Variants in IRAG1 observed in about 807,000 individuals in gnomAD.
The protein encoded by IRAG1 is IP3R-associated cGMP kinase substrate.
Under a neutral mutation model 106.2 loss-of-function variants are expected in IRAG1, and 62 were observed. The observed-to-expected ratio is 0.58, with a 90% CI of 0.48 to 0.72. The LOEUF is 0.72. Among genes scored for constraint, IRAG1 ranks in the 30% least tolerant of loss-of-function variants. The pLI is 0.00. For missense variants in IRAG1, 1,064 were observed against 1,140.7 expected (o/e 0.93, Z 0.97); for synonymous variants, 462 against 443.9 (o/e 1.04, Z -0.51).
In IRAG1 at chr11:10,575,490, C is replaced by T. The variant is rs1253761519; in HGVS notation, c.*842G>A. On this transcript the variant is annotated 3_prime_UTR_variant, in exon 21 of 21. Coordinates refer to ENST00000423302, the MANE Select transcript of IRAG1 (RefSeq NM_130385.4). The stretch of plus-strand genomic sequence containing the variant: ...TGAGTTTTCTGTGTTTTTAAAACAT[C>T]TTCAATCCATGTGGACAGCTCATTG... The T allele has an allele frequency of 1.3e-5, 2 of 152,216 alleles. No individual in the cohort carries two copies. Among genetic ancestry groups the T allele is most frequent in the East Asian group, 1.9e-4 (1 of 5,202 alleles). 9.4% of individuals were successfully genotyped at this position (152,216 alleles called of 1,614,324 possible). A position where few individuals can be genotyped will look rare whatever the true frequency, so the allele number is the denominator to read the frequency against.
At chr11:10,670,679 C>T (rs1056563540) in intron 1 of IRAG1, among the ~76,000 whole-genome samples, 3 of 152,216 alleles carry the variant, frequency 2.0e-5, no homozygotes, top group Non-Finnish European at 4.4e-5. Flanking sequence ...GGAGACAGGG[C>T]CTTTAAAGAG....
intron 1 of IRAG1, among the ~76,000 whole-genome samples, chr11:10,653,487 C>A (rs1858688377): frequency 6.6e-6 from 1 of 152,162 alleles, no homozygotes. Flanking sequence ...ATGGGTCTAG[C>A]TCCTCTGCTT....
chr11:10,675,331 GC>G lies in IRAG1; in HGVS notation c.67+18204del, dbSNP rs1251904104. Among the ~76,000 whole-genome samples, 23 of 152,302 alleles carry G rather than the reference GC, an allele frequency of 1.5e-4. No homozygotes were observed. In the East Asian group the frequency reaches 4.4e-3, roughly 29 times the overall value. ...AGCTCTCCTGGTTCCGTTGGCTCCT[GC>G]CCGGTTCCCCTCTCCTGTGTGTCAC... On this transcript the variant is annotated intron_variant, in intron 1 of 20. Transcript: ENST00000423302.
chr11:10,675,958 T>A (rs1860621681), intron 1 of IRAG1, among the ~76,000 whole-genome samples: 1 of 152,168 alleles, frequency 6.6e-6, no homozygotes, highest in African/African-American at 2.4e-5. Flanking sequence ...GGAACAAGCC[T>A]CTCCCCTGCC....
intron 9 of IRAG1, among the ~76,000 whole-genome samples, chr11:10,624,639 A>G (rs976527048): frequency 3.3e-5 from 5 of 151,962 alleles, no homozygotes; most frequent in Non-Finnish European, 5.9e-5. Context: ...GGAAGGGGCC[A>G]GCAGAGGGTG....
At chr11:10,603,656 A>C (rs1382655106) in intron 13 of IRAG1, among the ~76,000 whole-genome samples, 1 of 152,004 alleles carries the variant, frequency 6.6e-6, no homozygotes, top group Non-Finnish European at 1.5e-5. Flanking sequence ...TGTGCCCCCC[A>C]CAAAGTCATC....
rs181203168 is a variant in IRAG1, at chr11:10,607,935, C to T, written c.1572-1163G>A. Among the ~76,000 whole-genome samples the T allele has an allele frequency of 2.0e-5, 3 of 152,324 alleles. No individual in the cohort carries two copies. The East Asian group carries it at 5.8e-4, about 29-fold the overall frequency. Reference sequence around the variant, plus strand: ...AGGCCCTTGCCTTAACTGTCATCTACAGCATACACATATGATTTAAATGAT... The same window carrying T: ...AGGCCCTTGCCTTAACTGTCATCTATAGCATACACATATGATTTAAATGAT... On this transcript the variant is annotated intron_variant, in intron 11 of 20. Transcript: ENST00000423302.
In IRAG1 at chr11:10,664,214, C is replaced by A. The variant is rs564927617; in HGVS notation, c.68-12032G>T. Among the ~76,000 whole-genome samples the A allele has an allele frequency of 4.6e-5, 7 of 152,270 alleles. No individual in the cohort carries two copies. The East Asian group carries it at 1.4e-3, about 29-fold the overall frequency. On this transcript the variant is annotated intron_variant, in intron 1 of 20. Coordinates refer to ENST00000423302, the MANE Select transcript of IRAG1 (RefSeq NM_130385.4). ...ATCCCCTGGGGTAGACAGGAAGCAG[C>A]TGCGACTGTGATCATCTAAGACCAG...
At chr11:10,688,668 C>T (rs990699852) in intron 1 of IRAG1, among the ~76,000 whole-genome samples, 1 of 152,140 alleles carries the variant, frequency 6.6e-6, no homozygotes, top group Non-Finnish European at 1.5e-5. Context: ...TTCCCCAACA[C>T]CCTGCACTCA....
chr11:10,688,588 T>C (rs1259942216), intron 1 of IRAG1, among the ~76,000 whole-genome samples: 1 of 151,974 alleles, frequency 6.6e-6, no homozygotes, highest in East Asian at 1.9e-4. Context: ...TATAGTCTCA[T>C]CCCTCTCAGC....
intron 8 of IRAG1, 63 bp downstream of exon 8, chr11:10,627,653 G>C: frequency 6.3e-7 from 1 of 1,588,450 alleles, no homozygotes; most frequent in Non-Finnish European, 8.6e-7. Flanking sequence ...AGCCAGCCTA[G>C]GCTTCTAGGA....
intron 1 of IRAG1, among the ~76,000 whole-genome samples, chr11:10,687,007 A>G (rs1445428150): frequency 6.6e-6 from 1 of 152,264 alleles, no homozygotes; most frequent in East Asian, 1.9e-4. Context: ...TCATCGCCGC[A>G]GAAACTTCTA....
chr11:10,680,872 G>C (rs564015506), intron 1 of IRAG1, among the ~76,000 whole-genome samples: 3 of 152,146 alleles, frequency 2.0e-5, no homozygotes, highest in African/African-American at 7.2e-5. Context: ...GTTAGAGGGG[G>C]CAGTGAGAGG....
chr11:10,648,517 G>A (rs897845602), intron 2 of IRAG1, among the ~76,000 whole-genome samples: 7 of 152,162 alleles, frequency 4.6e-5, no homozygotes, highest in Non-Finnish European at 1.0e-4. Flanking sequence ...CTGCCTGGGC[G>A]GAGCTTAGAT....
chr11:10,663,619 A>T (rs974056844), intron 1 of IRAG1, among the ~76,000 whole-genome samples: 4 of 152,176 alleles, frequency 2.6e-5, no homozygotes, highest in Admixed American at 2.6e-4. Context: ...CTATGACAGC[A>T]CTGTGTGGCT....
At chr11:10,666,048 T>C (rs774095573) in intron 1 of IRAG1, among the ~76,000 whole-genome samples, 15 of 152,212 alleles carry the variant, frequency 9.9e-5, no homozygotes, top group Non-Finnish European at 1.9e-4. Flanking sequence ...TTCAAGGTCC[T>C]ACTGCTTAAA....
chr11:10,610,544 C>T (rs564059236), intron 10 of IRAG1, among the ~76,000 whole-genome samples: 6 of 152,234 alleles, frequency 3.9e-5, no homozygotes, highest in Admixed American at 2.6e-4. Flanking sequence ...CTGTGCCTCT[C>T]TAAAGCTTCT....
chr11:10,624,558 CTT>C (rs1196696318), intron 9 of IRAG1, among the ~76,000 whole-genome samples: 3 of 152,126 alleles, frequency 2.0e-5, no homozygotes, highest in African/African-American at 7.2e-5. Context: ...GCCCCTGTGA[CTT>C]ATGGATCTTC....
intron 15 of IRAG1, among the ~76,000 whole-genome samples, chr11:10,596,755 T>C (rs1312571040): frequency 6.6e-6 from 1 of 152,252 alleles, no homozygotes; most frequent in East Asian, 1.9e-4. Flanking sequence ...TAACTAATTT[T>C]TCTTCAACTG....
Sources: allele counts gnomAD v4.1 joint callset (sites outside exome capture counted in the v4.1 genomes callset), GRCh38; gene constraint gnomAD v4.1.1; transcripts MANE v1.5; gene names NCBI Gene and HGNC (gene_info 2026-07-23, HGNC 2026-07-21).